Variants in AOX1 observed in about 807,000 individuals in gnomAD.
The protein encoded by AOX1 is aldehyde oxidase 1.
AOX1 carries 153 observed loss-of-function variants against 169.5 expected under a neutral mutation model. The ratio of observed to expected loss-of-function variants is 0.90; its 90% confidence interval spans 0.79 to 1.03. AOX1 has a LOEUF of 1.03. Among genes scored for constraint, AOX1 ranks in the 50% least tolerant of loss-of-function variants. AOX1 has a pLI of 0.00. For missense variants in AOX1, 1,656 were observed against 1,663.9 expected (o/e 1.00, Z 0.08); for synonymous variants, 562 against 581.9 (o/e 0.97, Z 0.49).
chr2:200,681,624 C>T (rs915419394), downstream of AOX1: 1 of 152,274 alleles, frequency 6.6e-6, no homozygotes, highest in African/African-American at 2.4e-5. Flanking sequence ...TGATTCACAC[C>T]TCTTGAGTAG....
chr2:200,595,107 T>C (rs1190860334), intron 2 of AOX1, among the ~76,000 whole-genome samples, 165 bp from the exon 3 acceptor site: 1 of 152,226 alleles, frequency 6.6e-6, no homozygotes, highest in Non-Finnish European at 1.5e-5. Flanking sequence ...ACAAGATTAT[T>C]ATAGCTTCTA....
intron 18 of AOX1, among the ~76,000 whole-genome samples, 174 bp from the exon 19 acceptor site, chr2:200,623,687 C>G (rs907235681): frequency 6.6e-6 from 1 of 152,214 alleles, no homozygotes; most frequent in South Asian, 2.1e-4. Context: ...CCCAGTGCCT[C>G]GGATCAGGAG....
rs774108736 is a variant in AOX1 at position 200,593,159 on chromosome 2, A to T, written c.59A>T (p.Asn20Ile). ...CCTTTGGTATAGGTGATAGAAAAAA[A>T]TGTCGATCCTGAAACAATGCTGTTG... is the stretch of plus-strand genomic sequence containing the variant. ...YVNGRKVIEK[N>I]VDPETMLLPY... The change falls in exon 2 of 35, where the codon AAT (asparagine) becomes ATT (isoleucine). Residue 20 changes from asparagine to isoleucine, a missense_variant. Coordinates refer to ENST00000374700, the MANE Select transcript of AOX1 (RefSeq NM_001159.4). 2 of 1,613,504 alleles carry T rather than the reference A, an allele frequency of 1.2e-6. No homozygotes were observed. The highest frequency in any genetic ancestry group is 1.3e-5 in the African/African-American group (1 of 74,906).
At chr2:200,666,056 T>G (rs2035919029) in intron 31 of AOX1, among the ~76,000 whole-genome samples, 1 of 152,060 alleles carries the variant, frequency 6.6e-6, no homozygotes, top group Non-Finnish European at 1.5e-5. Context: ...TATATCACAT[T>G]AAAAAAAATG....
chr2:200,608,400 A>T (rs894473619), intron 10 of AOX1, among the ~76,000 whole-genome samples: 4 of 152,234 alleles, frequency 2.6e-5, no homozygotes, highest in African/African-American at 9.6e-5. Context: ...GAGTTTATGT[A>T]TTCAACAGCT....
intron 18 of AOX1, among the ~76,000 whole-genome samples, chr2:200,622,225 C>A (rs1033193993): frequency 6.6e-6 from 1 of 152,210 alleles, no homozygotes; most frequent in African/African-American, 2.4e-5. Context: ...TATATTTCTT[C>A]CACCTAGTAT....
chr2:200,673,192 G>A (rs757692079), downstream of AOX1, among the ~76,000 whole-genome samples: 20 of 152,116 alleles, frequency 1.3e-4, no homozygotes, highest in Admixed American at 1.1e-3. Context: ...GACAGCCATG[G>A]GCCCTCTTTC....
intron 17 of AOX1, 28 bp downstream of exon 17, chr2:200,620,847 G>A (rs776129577): frequency 1.3e-6 from 2 of 1,580,382 alleles, no homozygotes; most frequent in Non-Finnish European, 8.6e-7. Context: ...TACTCAATGG[G>A]CATAAATGAT....
intron 2 of AOX1, among the ~76,000 whole-genome samples, chr2:200,594,053 G>T (rs2034229639): frequency 1.3e-5 from 2 of 152,170 alleles, no homozygotes; most frequent in South Asian, 2.1e-4. Flanking sequence ...CACCAAAAAT[G>T]AGATTAAATG....
rs775066127 is a variant in AOX1, at chr2:200,612,645, C to T, written c.1300C>T (p.Gln434Ter). 4 of 1,614,036 alleles carry T rather than the reference C, an allele frequency of 2.5e-6. No individual in the cohort carries two copies. The highest frequency in any genetic ancestry group is 1.7e-5 in the Admixed American group (1 of 60,014). Residue 434 changes from glutamine (Q) to a stop codon, truncating the protein, a stop_gained, in exon 14 of 35, where the codon CAG (glutamine) becomes TAG (stop). Coordinates refer to ENST00000374700, the MANE Select transcript of AOX1 (RefSeq NM_001159.4). LOFTEE classifies it high-confidence loss of function. ...GTCAGCCTTCCGACAAGCCCAGCGA[C>T]AGGAGAATGCGCTAGCGATAGTCAA... Reference protein sequence around the residue: ...FVSAFRQAQRQENALAIVNSG... With the variant: ...FVSAFRQAQR
intron 16 of AOX1, among the ~76,000 whole-genome samples, chr2:200,619,313 G>T (rs1319360700): frequency 2.6e-5 from 4 of 152,132 alleles, no homozygotes; most frequent in Non-Finnish European, 5.9e-5. Flanking sequence ...GGATGGGAAG[G>T]GGAGGTGTCC....
At chr2:200,668,901 A>G in intron 33 of AOX1, 98 bp downstream of exon 33, 1 of 1,015,704 alleles carries the variant, frequency 9.8e-7, no homozygotes. Flanking sequence ...GATTTTTACC[A>G]GGATTGCAGA....
intron 1 of AOX1, 77 bp from the exon 2 acceptor site, chr2:200,593,069 C>A: frequency 8.6e-7 from 1 of 1,157,504 alleles, no homozygotes; most frequent in Non-Finnish European, 1.3e-6. Flanking sequence ...ATGCATTTCC[C>A]TCAAATTAGT....
At chr2:200,619,310 A>G (rs2034832784) in intron 16 of AOX1, among the ~76,000 whole-genome samples, 1 of 152,122 alleles carries the variant, frequency 6.6e-6, no homozygotes, top group Non-Finnish European at 1.5e-5. Flanking sequence ...GCAGGATGGG[A>G]AGGGGAGGTG....
rs528968377 is a variant in AOX1, at chr2:200,667,845, A to G, written c.3610-770A>G. On this transcript the variant is annotated intron_variant, in intron 32 of 34. Transcript: ENST00000374700. ...ACTGATCTAAAATCAGAGTCCAGAG[A>G]TGTGAGGCTAGCCACTTTGTGGGCA... Among the ~76,000 whole-genome samples the G allele has an allele frequency of 5.0e-4, 76 of 152,186 alleles. 1 individual carries two copies. The highest frequency in any genetic ancestry group is 1.8e-3 in the African/African-American group (73 of 41,522).
chr2:200,613,951 G>A lies in AOX1; in HGVS notation c.1596G>A (p.Gln532=). ...TCAAGTTCTACCTGGAAGTGTCACA[G>A]ATTTTGAAAAAGATGGTAAACAACT... ...FLFKFYLEVS[Q]ILKKMDPVHY... The change falls in exon 15 of 35, where the codon CAG becomes CAA. Residue 532 remains glutamine (Q), a synonymous_variant. Coordinates refer to ENST00000374700, the MANE Select transcript of AOX1 (RefSeq NM_001159.4). The A allele has an allele frequency of 6.2e-7, 1 of 1,611,542 alleles. No homozygotes were observed. The highest frequency in any genetic ancestry group is 8.5e-7 in the Non-Finnish European group (1 of 1,179,742).
chr2:200,669,452 A>G, intron 33 of AOX1, 123 bp from the exon 34 acceptor site: 1 of 971,744 alleles, frequency 1.0e-6, no homozygotes, highest in Non-Finnish European at 1.5e-6. Context: ...CTCTGTCTCA[A>G]AAAAAAAAAA....
intron 31 of AOX1, among the ~76,000 whole-genome samples, chr2:200,663,728 G>A (rs1163835074): frequency 1.3e-5 from 2 of 151,982 alleles, no homozygotes; most frequent in Non-Finnish European, 2.9e-5. Flanking sequence ...ACATTAAATG[G>A]GACTGTGATA....
chr2:200,613,025 T>TGAGAGAGAGAGAGA (rs200261175), intron 14 of AOX1, among the ~76,000 whole-genome samples: 1 of 95,834 alleles, frequency 1.0e-5, no homozygotes, highest in Non-Finnish European at 2.2e-5. Flanking sequence ...TGTGTGTGTG[T>TGAGAGAGAGAGAGA]GTGAGAGAGA....
Sources: gnomAD v4.1 joint callset for allele counts (sites outside exome capture counted in the v4.1 genomes callset) on GRCh38, gnomAD v4.1.1 for gene constraint, MANE v1.5 for transcripts, NCBI Gene and HGNC (gene_info 2026-07-23, HGNC 2026-07-21) for gene names.